Variants in PARP8 observed in about 807,000 individuals in gnomAD.
PARP8 encodes the protein poly(ADP-ribose) polymerase family member 8.
PARP8 carries 51 observed loss-of-function variants against 124.1 expected under a neutral mutation model. The observed-to-expected ratio is 0.41, with a 90% CI of 0.33 to 0.52. PARP8 has a LOEUF of 0.52. PARP8 is among the 20% of genes least tolerant of loss of function. The pLI, the probability that PARP8 is intolerant of heterozygous loss-of-function variation, is 0.21. For synonymous variants in PARP8, 391 were observed against 361.5 expected, an observed-to-expected ratio of 1.08 and a Z score of -0.93; for missense variants, 860 against 1,018.9, an observed-to-expected ratio of 0.84 and a Z score of 2.12.
chr5:50,756,025 T>G (rs1286487379), intron 3 of PARP8, among the ~76,000 whole-genome samples: 2 of 152,212 alleles, frequency 1.3e-5, no homozygotes, highest in African/African-American at 4.8e-5. Flanking sequence ...TTTTGTGCAT[T>G]GATTTTGTAT....
intron 2 of PARP8, chr5:50,744,652 A>G: frequency 1.5e-6 from 1 of 683,370 alleles, no homozygotes. Flanking sequence ...GACTGACCTG[A>G]GTTTCTGGCA....
At chr5:50,728,172 A>G (rs1756619891) in intron 2 of PARP8, among the ~76,000 whole-genome samples, 1 of 152,170 alleles carries the variant, frequency 6.6e-6, no homozygotes, top group Admixed American at 6.6e-5. Flanking sequence ...ATGATGGCTT[A>G]AGTATTTCCT....
At chr5:50,784,966 C>A (rs1741079582) in intron 9 of PARP8, among the ~76,000 whole-genome samples, 1 of 151,838 alleles carries the variant, frequency 6.6e-6, no homozygotes, top group Admixed American at 6.6e-5. Flanking sequence ...GCAGCTAGTA[C>A]AGAGGTCCCA....
intron 10 of PARP8, among the ~76,000 whole-genome samples, chr5:50,792,030 A>G (rs962917658): frequency 2.0e-5 from 3 of 152,152 alleles, no homozygotes; most frequent in African/African-American, 7.2e-5. Flanking sequence ...TGTCATCCCT[A>G]TGTACTTGCT....
chr5:50,766,727 T>A (rs878864034), intron 7 of PARP8, among the ~76,000 whole-genome samples: 4 of 152,188 alleles, frequency 2.6e-5, no homozygotes, highest in Non-Finnish European at 4.4e-5. Flanking sequence ...CGATCACTTT[T>A]TGTGCACAGA....
intron 2 of PARP8, among the ~76,000 whole-genome samples, chr5:50,687,125 A>G (rs1751957000): frequency 6.6e-6 from 1 of 152,134 alleles, no homozygotes; most frequent in Non-Finnish European, 1.5e-5. Context: ...CTTCCCTTAT[A>G]AAACTGAATG....
chr5:50,757,926 C>A (rs959513889), intron 3 of PARP8, among the ~76,000 whole-genome samples: 2 of 152,046 alleles, frequency 1.3e-5, no homozygotes, highest in Non-Finnish European at 2.9e-5. Context: ...TTCTGTTGGT[C>A]TAATGGTGCC....
intron 2 of PARP8, among the ~76,000 whole-genome samples, chr5:50,676,492 G>A (rs1167820092): frequency 6.6e-6 from 1 of 152,198 alleles, no homozygotes; most frequent in Admixed American, 6.5e-5. Context: ...AGTTGGCAGA[G>A]CCCTCTCTGG....
intron 2 of PARP8, among the ~76,000 whole-genome samples, chr5:50,725,260 G>C (rs1756316422): frequency 6.6e-6 from 1 of 151,608 alleles, no homozygotes. Flanking sequence ...TTTAACATTT[G>C]TATTGTTTTA....
intron 2 of PARP8, among the ~76,000 whole-genome samples, chr5:50,730,782 A>G (rs1315052799): frequency 2.0e-5 from 3 of 152,214 alleles, no homozygotes; most frequent in African/African-American, 7.2e-5. Context: ...AAATAATTTT[A>G]TACTTTTTGA....
rs112198735 is a variant in PARP8, at chr5:50,786,075, C to T, written c.671-2448C>T. On this transcript the variant is annotated intron_variant, in intron 9 of 25. Coordinates refer to ENST00000281631, the MANE Select transcript of PARP8 (RefSeq NM_024615.4). Reference sequence around the variant, plus strand: ...GTCTTAAAAAAATAAAATAAAAACCCTCTTGACCTCAAATGCCTCTTCAGT... The same window carrying T: ...GTCTTAAAAAAATAAAATAAAAACCTTCTTGACCTCAAATGCCTCTTCAGT... Among the ~76,000 whole-genome samples, 881 of 152,108 alleles carry T rather than the reference C, an allele frequency of 5.8e-3. 3 individuals carry two copies. Among genetic ancestry groups the T allele is most frequent in the African/African-American group, 0.02 (833 of 41,436 alleles).
intron 9 of PARP8, among the ~76,000 whole-genome samples, chr5:50,785,725 C>T (rs890874996): frequency 6.6e-6 from 1 of 152,050 alleles, no homozygotes; most frequent in African/African-American, 2.4e-5. Flanking sequence ...ATACAAACAC[C>T]CAATTTCCTT....
chr5:50,748,721 A>T lies in PARP8; in HGVS notation c.147-1430A>T, dbSNP rs576626921. On this transcript the variant is annotated intron_variant, in intron 2 of 25. Transcript: ENST00000281631. ...TTCTTATCACTGTTTCCTTGTGTGTAATATGTCGTTTTATTTTTCTCTGAC... is the reference window on the plus strand; with the variant it reads ...TTCTTATCACTGTTTCCTTGTGTGTTATATGTCGTTTTATTTTTCTCTGAC... 4.5e-4 allele frequency among the ~76,000 whole-genome samples: 68 copies of T among 152,236 alleles called. 1 individual carries two copies. The highest frequency in any genetic ancestry group is 1.5e-3 in the African/African-American group (63 of 41,540).
chr5:50,822,579 A>G (rs1745887180), intron 17 of PARP8, among the ~76,000 whole-genome samples, 179 bp downstream of exon 17: 1 of 152,178 alleles, frequency 6.6e-6, no homozygotes, highest in South Asian at 2.1e-4. Context: ...CAGGAAAGTA[A>G]GTGGATAATT....
intron 2 of PARP8, among the ~76,000 whole-genome samples, chr5:50,692,037 T>C (rs1001628944): frequency 6.6e-6 from 1 of 152,228 alleles, no homozygotes; most frequent in Non-Finnish European, 1.5e-5. Flanking sequence ...TTACTTTGAC[T>C]ATTCAAAAGC....
chr5:50,832,599 A>G (rs1362640133), intron 22 of PARP8, among the ~76,000 whole-genome samples, 182 bp from the exon 23 acceptor site: 1 of 152,210 alleles, frequency 6.6e-6, no homozygotes, highest in Admixed American at 6.5e-5. Flanking sequence ...TAACTTTCCC[A>G]GGACTTCCCA....
intron 12 of PARP8, among the ~76,000 whole-genome samples, chr5:50,796,228 CA>C (rs1436093438): frequency 3.3e-5 from 5 of 151,736 alleles, no homozygotes; most frequent in African/African-American, 1.2e-4. Context: ...TAGCTCTAAC[CA>C]TTAATGTGTA....
At position 50,758,415 on chromosome 5, in the gene PARP8, C is replaced by A. The variant is rs1315713441; in HGVS notation, c.185-1228C>A. On this transcript the variant is annotated intron_variant, in intron 3 of 25. Coordinates refer to ENST00000281631, the MANE Select transcript of PARP8 (RefSeq NM_024615.4). ...GAGAATCTTTTGCAGCTAACCTGTACATACAGATCACTATCATTCACTCAT... is the reference window on the plus strand; with the variant it reads ...GAGAATCTTTTGCAGCTAACCTGTAAATACAGATCACTATCATTCACTCAT... Among the ~76,000 whole-genome samples the A allele has an allele frequency of 4.6e-5, 7 of 152,274 alleles. No homozygotes were observed. In the East Asian group the frequency reaches 1.3e-3, roughly 29 times the overall value.
At chr5:50,773,022 ATTTGTTTG>A (rs552245180) in intron 7 of PARP8, among the ~76,000 whole-genome samples, 4 of 151,846 alleles carry the variant, frequency 2.6e-5, no homozygotes, top group Admixed American at 6.6e-5. Context: ...AAGTCAGATT[ATTTGTTTG>A]TTTGTTTGTT....
Sources: allele counts gnomAD v4.1 joint callset (sites outside exome capture counted in the v4.1 genomes callset), GRCh38; gene constraint gnomAD v4.1.1; transcripts MANE v1.5; gene names NCBI Gene and HGNC (gene_info 2026-07-23, HGNC 2026-07-21).